CHN2: variants seen among roughly 807,000 people sequenced by gnomAD.
The protein encoded by CHN2 is chimerin 2.
Under a neutral mutation model 56.3 loss-of-function variants are expected in CHN2, and 35 were observed. That is an observed-to-expected ratio of 0.62 (90% CI 0.47 to 0.82). The LOEUF is 0.82. Ranked by LOEUF, CHN2 falls within the 40% of genes least tolerant of loss-of-function variation. The pLI is 0.00. For synonymous variants in CHN2, 210 were observed against 212.8 expected, an observed-to-expected ratio of 0.99 and a Z score of 0.12; for missense variants, 491 against 580.5, an observed-to-expected ratio of 0.85 and a Z score of 1.58.
intron 1 of CHN2, among the ~76,000 whole-genome samples, chr7:29,310,441 A>G (rs1385995840): frequency 6.6e-6 from 1 of 152,242 alleles, no homozygotes. Flanking sequence ...AAATATAAAG[A>G]TTGAAACGGG....
chr7:29,241,969 A>G (rs570634045), intron 1 of CHN2, among the ~76,000 whole-genome samples: 15 of 152,324 alleles, frequency 9.8e-5, no homozygotes, highest in South Asian at 2.1e-4. Context: ...ATCTCATGCT[A>G]TGCATATAAG....
At chr7:29,449,418 A>G (rs563475650) in intron 6 of CHN2, among the ~76,000 whole-genome samples, 10 of 152,330 alleles carry the variant, frequency 6.6e-5, no homozygotes, top group African/African-American at 1.9e-4. Flanking sequence ...AACAGAGGTA[A>G]ATAGGCATCA....
At chr7:29,512,127 C>T (rs1791525307) in intron 12 of CHN2, among the ~76,000 whole-genome samples, 1 of 151,896 alleles carries the variant, frequency 6.6e-6, no homozygotes, top group Non-Finnish European at 1.5e-5. Flanking sequence ...GAGAGGGATC[C>T]TGCCCTTCCC....
intron 7 of CHN2, among the ~76,000 whole-genome samples, chr7:29,482,703 T>A (rs1159003443): frequency 6.6e-6 from 1 of 151,210 alleles, no homozygotes; most frequent in Non-Finnish European, 1.5e-5. Flanking sequence ...ACTATGTGCA[T>A]AGCATATAGT....
chr7:29,273,049 A>G (rs1417793173), intron 1 of CHN2, among the ~76,000 whole-genome samples: 1 of 152,044 alleles, frequency 6.6e-6, no homozygotes, highest in African/African-American at 2.4e-5. Flanking sequence ...TTAGATTTCT[A>G]GGCTTGTTCA....
At chr7:29,495,925 G>C (rs779792506) in intron 7 of CHN2, 27 bp from the exon 8 acceptor site, 12 of 1,603,468 alleles carry the variant, frequency 7.5e-6, no homozygotes, top group Middle Eastern at 1.7e-4. Context: ...TGAGCTTTCT[G>C]ACATTTTTCT....
intron 1 of CHN2, 38 bp downstream of exon 1, chr7:29,195,028 G>C (rs770357866): frequency 6.3e-7 from 1 of 1,575,986 alleles, no homozygotes; most frequent in South Asian, 1.1e-5. Context: ...GCCGCGCCGG[G>C]TCTCGCCCCA....
rs911904509 is a variant in CHN2 at position 29,354,753 on chromosome 7, G to T, written c.88+90G>T. The T allele has an allele frequency of 1.1e-5, 13 of 1,158,982 alleles. 1 individual carries two copies. In the Admixed American group the frequency reaches 1.5e-4, roughly 13 times the overall value. 71.8% of individuals were successfully genotyped at this position (1,158,982 alleles called of 1,614,324 possible). ...TGCCAGCGATGTAGTGCACACAAGC[G>T]TTCCCACCTCACAGCACTGAAAACC... On this transcript the variant is annotated intron_variant, in intron 2 of 12. Coordinates refer to ENST00000222792, the MANE Select transcript of CHN2 (RefSeq NM_004067.4).
At chr7:29,155,191 C>G (rs1207441144) in intron 2 of CHN2, among the ~76,000 whole-genome samples, 1 of 151,922 alleles carries the variant, frequency 6.6e-6, no homozygotes, top group Non-Finnish European at 1.5e-5. Context: ...ATCACTCCAT[C>G]TCAAAAAAAT....
At chr7:29,457,671 T>C (rs1784866086) in intron 6 of CHN2, among the ~76,000 whole-genome samples, 1 of 152,180 alleles carries the variant, frequency 6.6e-6, no homozygotes, top group Non-Finnish European at 1.5e-5. Flanking sequence ...TTATTTAGCA[T>C]TTAAATGAGT....
chr7:29,449,968 T>TGTG (rs776021759), intron 6 of CHN2, among the ~76,000 whole-genome samples: 6 of 152,206 alleles, frequency 3.9e-5, no homozygotes, highest in Non-Finnish European at 8.8e-5. Context: ...AAGCTTAATT[T>TGTG]GTGGTTAGTC....
intron 2 of CHN2, among the ~76,000 whole-genome samples, chr7:29,361,723 G>C (rs1484256325): frequency 6.6e-6 from 1 of 152,184 alleles, no homozygotes; most frequent in African/African-American, 2.4e-5. Flanking sequence ...GTTGACATAG[G>C]AGAGGAACTG....
chr7:29,217,772 A>G (rs760635355), intron 1 of CHN2, among the ~76,000 whole-genome samples: 8 of 152,316 alleles, frequency 5.3e-5, no homozygotes, highest in Middle Eastern at 6.8e-3. Context: ...AATAAAAGAT[A>G]CGTATCTGAT....
chr7:29,354,940 T>TTTTA (rs58730020), intron 2 of CHN2, among the ~76,000 whole-genome samples: 11,598 of 141,948 alleles, frequency 0.082, 1,477 homozygotes, highest in African/African-American at 0.28. Flanking sequence ...GGGGCTTTAT[T>TTTTA]TTTATTTATT....
chr7:29,368,508 C>T (rs1385707956), intron 3 of CHN2, among the ~76,000 whole-genome samples: 1 of 152,136 alleles, frequency 6.6e-6, no homozygotes, highest in African/African-American at 2.4e-5. Context: ...GGGATGCCAG[C>T]AAGATTTGAA....
At chr7:29,505,206 C>G (rs1385640286) in intron 10 of CHN2, among the ~76,000 whole-genome samples, 1 of 152,166 alleles carries the variant, frequency 6.6e-6, no homozygotes. Context: ...TTCTTTATAA[C>G]TGTGGTGTAT....
intron 6 of CHN2, among the ~76,000 whole-genome samples, chr7:29,447,243 T>C (rs1784096207): frequency 6.6e-6 from 1 of 152,202 alleles, no homozygotes. Flanking sequence ...CAAAAAGTTA[T>C]GTTGAGACAT....
intron 1 of CHN2, among the ~76,000 whole-genome samples, chr7:29,331,670 C>T (rs908721237): frequency 1.3e-5 from 2 of 152,096 alleles, no homozygotes; most frequent in African/African-American, 4.8e-5. Context: ...CCTTCAAAAT[C>T]GGGAGATTAT....
At chr7:29,389,155 T>A (rs1357727087) in intron 3 of CHN2, among the ~76,000 whole-genome samples, 4 of 152,176 alleles carry the variant, frequency 2.6e-5, no homozygotes. Context: ...TCTTCTAATA[T>A]TCCCGTTGCT....
Sources: allele counts gnomAD v4.1 joint callset (sites outside exome capture counted in the v4.1 genomes callset), GRCh38; gene constraint gnomAD v4.1.1; transcripts MANE v1.5; gene names NCBI Gene and HGNC (gene_info 2026-07-23, HGNC 2026-07-21).